Variants in MTHFD2L observed in about 807,000 individuals in gnomAD.
MTHFD2L encodes the protein bifunctional methylenetetrahydrofolate dehydrogenase/cyclohydrolase 2, mitochondrial.
In MTHFD2L, 29 loss-of-function variants were observed where a neutral mutation model predicts 34.9. The ratio of observed to expected loss-of-function variants is 0.83; its 90% CI spans 0.62 to 1.13. The LOEUF is 1.13. Ranked by LOEUF, MTHFD2L falls within the 50% of genes most tolerant of loss-of-function variation. The probability of loss-of-function intolerance (pLI) is 0.00; values close to 1 mark genes in which losing one functional copy is unlikely to be tolerated. For missense variants in MTHFD2L, 481 were observed against 446.5 expected, an observed-to-expected ratio of 1.08 and a Z score of -0.70; for synonymous variants, 167 against 155.7, an observed-to-expected ratio of 1.07 and a Z score of -0.54.
chr4:74,246,849 G>A (rs1171496480), intron 6 of MTHFD2L, among the ~76,000 whole-genome samples: 1 of 152,076 alleles, frequency 6.6e-6, no homozygotes. Flanking sequence ...TCTCTGTTTT[G>A]GTACCAGTAA....
intron 1 of MTHFD2L, among the ~76,000 whole-genome samples, chr4:74,151,675 T>C (rs1578262373): frequency 2.0e-5 from 3 of 152,344 alleles, no homozygotes; most frequent in Middle Eastern, 6.8e-3. Flanking sequence ...GTTATTATTA[T>C]ATTAAATCTT....
Position 74,158,338 on chromosome 4 carries a change from G to T in MTHFD2L, c.143+57G>T, listed in dbSNP as rs957446156. On this transcript the variant is annotated intron_variant, in intron 1 of 7. Transcript: ENST00000325278. ...CGCTGGCGGTGGGAGGTCGGCGGGGGCGCGGGCGGCGCTCGCGCGCGTGGG... is the reference window on the plus strand; with the variant it reads ...CGCTGGCGGTGGGAGGTCGGCGGGGTCGCGGGCGGCGCTCGCGCGCGTGGG... 5 of 1,170,720 alleles carry T rather than the reference G, an allele frequency of 4.3e-6. No individual in the cohort carries two copies. The African/African-American group carries it at 6.5e-5, about 15-fold the overall frequency. 72.5% of individuals were successfully genotyped at this position (1,170,720 alleles called of 1,614,324 possible).
In MTHFD2L at chr4:74,159,987, G is replaced by A. The variant is rs557015678; in HGVS notation, c.143+1706G>A. On this transcript the variant is annotated intron_variant, in intron 1 of 7. Transcript: ENST00000325278. ...AAGGTTGAGAAACACCTGTGGACTG[G>A]TGGGTCTCGGGTGGGGAGGAATTCG... The A allele has an allele frequency of 1.6e-3, 1,761 of 1,109,336 alleles. 5 individuals carry two copies. The highest frequency in any genetic ancestry group is 1.7e-3 in the Non-Finnish European group (1,519 of 868,970). 68.7% of individuals were successfully genotyped at this position (1,109,336 alleles called of 1,614,324 possible).
Position 74,169,651 on chromosome 4 carries a change from G to T in MTHFD2L, c.144-4855G>T, listed in dbSNP as rs1727481237. On this transcript the variant is annotated intron_variant, in intron 1 of 7. Transcript: ENST00000325278. Reference sequence around the variant, plus strand: ...AATTGATTTATGGAAAGTTTTATTTGCTACTACCTATAAATGAGTTGTGCT... The same window carrying T: ...AATTGATTTATGGAAAGTTTTATTTTCTACTACCTATAAATGAGTTGTGCT... Among the ~76,000 whole-genome samples the T allele has an allele frequency of 2.0e-5, 3 of 152,060 alleles. No homozygotes were observed. The South Asian group carries it at 6.2e-4, about 31-fold the overall frequency.
At chr4:74,268,276 A>G (rs1745556547) in intron 6 of MTHFD2L, 5 of 982,704 alleles carry the variant, frequency 5.1e-6, no homozygotes, top group Non-Finnish European at 6.0e-6. Flanking sequence ...AAGTTTTTCT[A>G]ATCTAGAAAG....
upstream of MTHFD2L, among the ~76,000 whole-genome samples, chr4:74,154,844 T>C (rs917327478): frequency 6.6e-6 from 1 of 152,192 alleles, no homozygotes; most frequent in Non-Finnish European, 1.5e-5. Context: ...TAAATATATG[T>C]ATGTAAACTA....
chr4:74,226,683 T>C (rs28401343), intron 6 of MTHFD2L, among the ~76,000 whole-genome samples: 68 of 152,290 alleles, frequency 4.5e-4, no homozygotes, highest in Middle Eastern at 6.8e-3. Context: ...TAGTACTAAA[T>C]TCATTCAATT....
intron 1 of MTHFD2L, among the ~76,000 whole-genome samples, chr4:74,165,483 G>C (rs1229377231): frequency 6.6e-6 from 1 of 151,994 alleles, no homozygotes; most frequent in South Asian, 2.1e-4. Context: ...TCAACCTCCC[G>C]AGTAGCTGGG....
chr4:74,185,711 C>T (rs147777899), intron 3 of MTHFD2L, among the ~76,000 whole-genome samples: 1 of 152,196 alleles, frequency 6.6e-6, no homozygotes, highest in East Asian at 1.9e-4. Flanking sequence ...ATATACATTA[C>T]CAAAGCTCAC....
chr4:74,116,505 C>T (rs1043030795), intron 2 of MTHFD2L, among the ~76,000 whole-genome samples: 1 of 152,170 alleles, frequency 6.6e-6, no homozygotes, highest in Admixed American at 6.5e-5. Context: ...TTGCATAAAA[C>T]TATATGACCA....
At chr4:74,237,391 A>G (rs557798759) in intron 6 of MTHFD2L, among the ~76,000 whole-genome samples, 9 of 152,268 alleles carry the variant, frequency 5.9e-5, no homozygotes, top group Admixed American at 3.9e-4. Context: ...GCTCAAGCCT[A>G]TAATCCCAAC....
At chr4:74,185,127 G>A (rs1444310849) in intron 3 of MTHFD2L, among the ~76,000 whole-genome samples, 2 of 137,258 alleles carry the variant, frequency 1.5e-5, no homozygotes, top group Non-Finnish European at 3.0e-5. Flanking sequence ...ACTCTAGCCT[G>A]GGCGACAGAG....
At chr4:74,117,562 C>T (rs918882922) in intron 2 of MTHFD2L, among the ~76,000 whole-genome samples, 17 of 152,116 alleles carry the variant, frequency 1.1e-4, no homozygotes, top group African/African-American at 3.9e-4. Context: ...TTAAAGAATG[C>T]ATAGGTTATA....
intron 7 of MTHFD2L, among the ~76,000 whole-genome samples, chr4:74,292,732 A>T (rs958357409): frequency 2.0e-5 from 3 of 152,336 alleles, no homozygotes; most frequent in Non-Finnish European, 1.5e-5. Flanking sequence ...CTGCCTACTG[A>T]AATGGAATCT....
intron 6 of MTHFD2L, among the ~76,000 whole-genome samples, chr4:74,256,498 G>T (rs972081763): frequency 2.6e-5 from 4 of 152,048 alleles, no homozygotes; most frequent in Admixed American, 2.6e-4. Flanking sequence ...GTGTTTCCTA[G>T]ATTTTCTTCT....
chr4:74,298,817 T>C (rs1412551390), intron 7 of MTHFD2L, among the ~76,000 whole-genome samples: 7 of 152,032 alleles, frequency 4.6e-5, no homozygotes, highest in Admixed American at 4.6e-4. Context: ...CTTTGGACTT[T>C]TCTACTCGTT....
At chr4:74,300,907 A>G (rs1159254361) in intron 7 of MTHFD2L, among the ~76,000 whole-genome samples, 2 of 152,098 alleles carry the variant, frequency 1.3e-5, no homozygotes, top group African/African-American at 4.8e-5. Context: ...CTCATAATGC[A>G]GTACATTGTA....
At chr4:74,170,201 T>C (rs1414797843) in intron 1 of MTHFD2L, among the ~76,000 whole-genome samples, 1 of 152,206 alleles carries the variant, frequency 6.6e-6, no homozygotes, top group Non-Finnish European at 1.5e-5. Flanking sequence ...CAAACACCTC[T>C]TATGCATGTA....
intron 6 of MTHFD2L, among the ~76,000 whole-genome samples, chr4:74,227,447 G>A (rs1027413426): frequency 4.6e-5 from 7 of 152,020 alleles, no homozygotes; most frequent in South Asian, 2.1e-4. Context: ...TGGAGATACC[G>A]ACAGAAGCAG....
Sources: gnomAD v4.1 joint callset for allele counts (sites outside exome capture counted in the v4.1 genomes callset) on GRCh38, gnomAD v4.1.1 for gene constraint, MANE v1.5 for transcripts, NCBI Gene and HGNC (gene_info 2026-07-23, HGNC 2026-07-21) for gene names.